PRKCZ: variants seen among roughly 807,000 people sequenced by gnomAD.
PRKCZ encodes protein kinase C zeta.
A neutral mutation model predicts 79.5 loss-of-function variants in PRKCZ; 33 were observed. The observed-to-expected ratio is 0.41, with a 90% confidence interval of 0.31 to 0.55. The LOEUF (loss-of-function observed/expected upper bound fraction) is 0.55. Ranked by LOEUF, PRKCZ falls within the 20% of genes least tolerant of loss-of-function variation. The pLI, the probability that PRKCZ is intolerant of heterozygous loss-of-function variation, is 0.19. For missense variants in PRKCZ, 578 were observed against 813.5 expected, an observed-to-expected ratio of 0.71 and a Z score of 3.52; for synonymous variants, 342 against 320.9, an observed-to-expected ratio of 1.07 and a Z score of -0.70.
intron 4 of PRKCZ, among the ~76,000 whole-genome samples, chr1:2,064,837 C>T (rs2678937): frequency 0.12 from 18,055 of 152,088 alleles, 3,535 homozygotes; most frequent in African/African-American, 0.41. Context: ...TTTGGGGTCC[C>T]CTGAGATTCC....
At chr1:2,056,117 G>T (rs1229400585) in intron 2 of PRKCZ, among the ~76,000 whole-genome samples, 1 of 152,196 alleles carries the variant, frequency 6.6e-6, no homozygotes, top group Non-Finnish European at 1.5e-5. Flanking sequence ...GCCCTGCAGG[G>T]CCTGGGTTCT....
At chr1:2,150,283 G>T (rs1025623681) in intron 8 of PRKCZ, among the ~76,000 whole-genome samples, 2 of 152,076 alleles carry the variant, frequency 1.3e-5, no homozygotes, top group African/African-American at 4.8e-5. Flanking sequence ...AGAGGCTTCT[G>T]TTCTTCCTCG....
rs1666098398 is a variant in PRKCZ at position 2,094,543 on chromosome 1, CCT to C, written c.334+34955_334+34956del. Among the ~76,000 whole-genome samples the C allele has an allele frequency of 7.5e-6, 1 of 132,918 alleles. No homozygotes were observed. Among genetic ancestry groups the C allele is most frequent in the Non-Finnish European group, 1.6e-5 (1 of 63,680 alleles). The allele number at this position is 132,918 out of a possible 152,430, so 87.2% of individuals were successfully genotyped here. ...TTGGGCGCTGCCCGTTCTGAGGCGC[CCT>C]CTGTGCCCGGCTCGATGAACCTTGG... On this transcript the variant is annotated intron_variant, in intron 4 of 17. Coordinates refer to ENST00000378567, the MANE Select transcript of PRKCZ (RefSeq NM_002744.6). The surrounding 1 kb of genome is among the most constrained non-coding windows in gnomAD (Gnocchi z 7.3).
intron 4 of PRKCZ, among the ~76,000 whole-genome samples, chr1:2,108,574 A>T (rs952214493): frequency 2.0e-5 from 3 of 152,240 alleles, no homozygotes; most frequent in African/African-American, 7.2e-5. Context: ...AGACATCGCC[A>T]GCCTCCTGCT....
intron 16 of PRKCZ, among the ~76,000 whole-genome samples, chr1:2,176,004 A>T (rs1009616379): frequency 6.6e-6 from 1 of 152,234 alleles, no homozygotes; most frequent in Non-Finnish European, 1.5e-5. Context: ...CAGGACCAGC[A>T]GTCGCAGCGT....
chr1:2,131,265 C>T (rs944941123), intron 4 of PRKCZ, among the ~76,000 whole-genome samples: 2 of 152,212 alleles, frequency 1.3e-5, no homozygotes, highest in African/African-American at 4.8e-5. Flanking sequence ...GGTTTCTCAC[C>T]TGGGAGTTTC....
At position 2,172,493 on chromosome 1, in the gene PRKCZ, A is replaced by G; in HGVS notation, c.1285+105A>G. On this transcript the variant is annotated intron_variant, in intron 13 of 17. Coordinates refer to ENST00000378567, the MANE Select transcript of PRKCZ (RefSeq NM_002744.6). The surrounding 1 kb of genome is among the most constrained non-coding windows in gnomAD (Gnocchi z 7.8). ...GGTGTCCTTGACCATCTTACACCCA[A>G]AAGCCACACACTGTCTTTCCCAGCC... The G allele has an allele frequency of 8.2e-7, 1 of 1,215,830 alleles. No homozygotes were observed. Among genetic ancestry groups the G allele is most frequent in the South Asian group, 1.5e-5 (1 of 66,412 alleles). 75.3% of individuals were successfully genotyped at this position (1,215,830 alleles called of 1,614,324 possible).
Position 2,094,058 on chromosome 1 carries a change from C to T in PRKCZ, c.334+34467C>T, listed in dbSNP as rs1422044650. ...CACCTGCCAGCCCACTTTGGGTGAC[C>T]CTCCTGTTTGTCCTGTCCTAGCGCA... On this transcript the variant is annotated intron_variant, in intron 4 of 17. Transcript: ENST00000378567. This position sits in a 1 kb window ranked among gnomAD's most constrained non-coding sequence, Gnocchi z 7.3. Among the ~76,000 whole-genome samples, 2 of 152,138 alleles carry T rather than the reference C, an allele frequency of 1.3e-5. No homozygotes were observed. The highest frequency in any genetic ancestry group is 4.8e-5 in the African/African-American group (2 of 41,390).
chr1:2,158,048 C>T (rs1472049456), intron 10 of PRKCZ, among the ~76,000 whole-genome samples: 1 of 151,472 alleles, frequency 6.6e-6, no homozygotes, highest in African/African-American at 2.4e-5. Context: ...ACCGCAGGGT[C>T]CTGCTCTTGC....
chr1:2,172,154 C>T lies in PRKCZ; in HGVS notation c.1161C>T (p.Asp387=), dbSNP rs777841176. ...TGGACAACGTCCTCCTGGATGCGGA[C>T]GGGCACATCAAGCTCACAGACTACG... ...LKLDNVLLDA[D]GHIKLTDYGM... The change falls in exon 12 of 18, where the codon GAC becomes GAT. Residue 387 remains aspartate, a synonymous_variant. Coordinates refer to ENST00000378567, the MANE Select transcript of PRKCZ (RefSeq NM_002744.6). This position sits in a 1 kb window ranked among gnomAD's most constrained non-coding sequence, Gnocchi z 7.8. 49 of 1,613,274 alleles carry T rather than the reference C, an allele frequency of 3.0e-5. No homozygotes were observed. Among genetic ancestry groups the T allele is most frequent in the Admixed American group, 3.3e-5 (2 of 59,992 alleles).
At chr1:2,061,222 C>T (rs1571111941) in intron 4 of PRKCZ, among the ~76,000 whole-genome samples, 1 of 152,284 alleles carries the variant, frequency 6.6e-6, no homozygotes, top group South Asian at 2.1e-4. Context: ...AGCCCCTGGG[C>T]GCGGGGGAAG....
At chr1:2,141,852 G>GC (rs1006720629) in intron 5 of PRKCZ, 51 of 262,422 alleles carry the variant, frequency 1.9e-4, no homozygotes, top group Middle Eastern at 3.0e-3. Context: ...GGAGAATGGA[G>GC]CAGGTCTGCA....
At position 2,165,804 on chromosome 1, in the gene PRKCZ, G is replaced by A. The variant is rs1234924653; in HGVS notation, c.975-3714G>A. ...GCTGTGGTTCCTCCCTCTGAGCCGG[G>A]CACCTTGCATTCCTGGAAGGGGTGG... On this transcript the variant is annotated intron_variant, in intron 10 of 17. Transcript: ENST00000378567. This position sits in a 1 kb window ranked among gnomAD's most constrained non-coding sequence, Gnocchi z 4.1. Among the ~76,000 whole-genome samples the A allele has an allele frequency of 2.0e-5, 3 of 152,148 alleles. No individual in the cohort carries two copies. The highest frequency in any genetic ancestry group is 7.2e-5 in the African/African-American group (3 of 41,436).
At chr1:2,117,540 G>T (rs113433641) in intron 4 of PRKCZ, among the ~76,000 whole-genome samples, 55 of 152,192 alleles carry the variant, frequency 3.6e-4, no homozygotes, top group African/African-American at 1.3e-3. Context: ...TTCAGATGTT[G>T]CCTTGTTACC....
chr1:2,048,695 T>A (rs1659427522), upstream of PRKCZ, among the ~76,000 whole-genome samples: 1 of 151,810 alleles, frequency 6.6e-6, no homozygotes, highest in Admixed American at 6.6e-5. Context: ...GGTTGGGAGC[T>A]CAGGGGGCCC....
chr1:2,146,147 A>G (rs1156885400), intron 7 of PRKCZ, 39 bp downstream of exon 7: 1 of 1,562,654 alleles, frequency 6.4e-7, no homozygotes, highest in South Asian at 1.1e-5. Context: ...GAGCCTGGGC[A>G]TCACCTCACC....
At chr1:2,065,647 C>G (rs1473237104) in intron 4 of PRKCZ, among the ~76,000 whole-genome samples, 1 of 149,550 alleles carries the variant, frequency 6.7e-6, no homozygotes, top group African/African-American at 2.5e-5. Context: ...CCACTGCACT[C>G]CTGCCTGGGC....
intron 4 of PRKCZ, among the ~76,000 whole-genome samples, chr1:2,121,739 CACG>C (rs1181704038): frequency 1.9e-5 from 1 of 51,514 alleles, no homozygotes; most frequent in Non-Finnish European, 3.5e-5. Flanking sequence ...TACTTAGGGT[CACG>C]GCGGTGGTTA....
chr1:2,051,193 G>T (rs1298606423), intron 1 of PRKCZ, among the ~76,000 whole-genome samples: 1 of 152,196 alleles, frequency 6.6e-6, no homozygotes, highest in African/African-American at 2.4e-5. Context: ...GGGCGGTCGG[G>T]CGGGGACAGG....
Sources: gnomAD v4.1 joint callset for allele counts (sites outside exome capture counted in the v4.1 genomes callset) on GRCh38, gnomAD v4.1.1 for gene constraint, Gnocchi (gnomAD v3.1) non-coding constraint, MANE v1.5 for transcripts, NCBI Gene and HGNC (gene_info 2026-07-23, HGNC 2026-07-21) for gene names.